PHLDB2: variants seen among roughly 807,000 people sequenced by gnomAD.
PHLDB2 encodes the protein pleckstrin homology-like domain family B member 2.
PHLDB2 carries 71 observed loss-of-function variants against 123.6 expected under a neutral mutation model. The observed-to-expected ratio is 0.57, with a 90% CI of 0.47 to 0.70. PHLDB2 has a LOEUF of 0.70. Among genes scored for constraint, PHLDB2 ranks in the 30% least tolerant of loss-of-function variants. The pLI, the probability that PHLDB2 is intolerant of heterozygous loss-of-function variation, is 0.00. For missense variants in PHLDB2, 1,446 were observed against 1,519.5 expected (o/e 0.95, Z 0.80); for synonymous variants, 547 against 541.6 (o/e 1.01, Z -0.14).
At chr3:111,925,351 A>G (rs1420782209) in intron 5 of PHLDB2, among the ~76,000 whole-genome samples, 1 of 152,188 alleles carries the variant, frequency 6.6e-6, no homozygotes, top group African/African-American at 2.4e-5. Context: ...AGTTTCCTGC[A>G]CTGGCCTTTT....
intron 2 of PHLDB2, among the ~76,000 whole-genome samples, chr3:111,890,564 C>T (rs2066420165): frequency 6.6e-6 from 1 of 152,158 alleles, no homozygotes; most frequent in Non-Finnish European, 1.5e-5. Context: ...TTCTTTAACT[C>T]ATTAATGAGG....
intron 1 of PHLDB2, among the ~76,000 whole-genome samples, chr3:111,782,926 G>T (rs879919694): frequency 2.0e-5 from 3 of 151,866 alleles, no homozygotes; most frequent in Non-Finnish European, 4.4e-5. Flanking sequence ...TTATATTATT[G>T]CATAGCTTGA....
chr3:111,875,234 C>T (rs889333819), intron 1 of PHLDB2, among the ~76,000 whole-genome samples: 2 of 152,020 alleles, frequency 1.3e-5, no homozygotes, highest in East Asian at 2.0e-4. Context: ...CCACAACCTC[C>T]GCCTCCCGGG....
intron 2 of PHLDB2, among the ~76,000 whole-genome samples, chr3:111,897,777 G>C (rs1473497420): frequency 6.6e-6 from 1 of 152,084 alleles, no homozygotes; most frequent in Admixed American, 6.5e-5. Context: ...AATCATCTTA[G>C]GCAGAGATTT....
chr3:111,930,782 A>G (rs2069101949), intron 5 of PHLDB2, among the ~76,000 whole-genome samples: 2 of 152,358 alleles, frequency 1.3e-5, no homozygotes, highest in East Asian at 3.9e-4. Context: ...TGAAGATCGA[A>G]GAAATTTTCG....
chr3:111,834,216 A>T (rs1454282925), intron 1 of PHLDB2, among the ~76,000 whole-genome samples: 1 of 34,758 alleles, frequency 2.9e-5, no homozygotes, highest in African/African-American at 1.4e-4. Context: ...TATGTAATAG[A>T]ATTATATATA....
intron 1 of PHLDB2, chr3:111,845,674 G>A: frequency 2.4e-6 from 2 of 826,836 alleles, no homozygotes; most frequent in Admixed American, 2.7e-5. Context: ...GAGTGATCCA[G>A]GACGTCTGTT....
rs777889310 is a variant in PHLDB2, at chr3:111,913,564, G to C, written c.1581G>C (p.Gln527His). The C allele has an allele frequency of 3.7e-6, 6 of 1,614,134 alleles. No homozygotes were observed. Among genetic ancestry groups the C allele is most frequent in the Non-Finnish European group, 5.1e-6 (6 of 1,180,028 alleles). The stretch of plus-strand genomic sequence containing the variant: ...TGGCAAGCTGTGGGAGTCTCAGTCA[G>C]AGCAGTGCCAGCTTCTTTACCCCCA... Reference protein sequence around the residue: ...ADLASCGSLSQSSASFFTPRS... With the variant: ...ADLASCGSLSHSSASFFTPRS... The change falls in exon 3 of 18, where the codon CAG (glutamine) becomes CAC (histidine). Residue 527 changes from glutamine (Q) to histidine (H), a missense_variant. Gln to His is a conservative substitution (Grantham distance 24, BLOSUM62 0). Around this residue, in one of 3 missense-constraint regions of PHLDB2, gnomAD observed 832 missense variants for 831.9 expected, o/e 1.00. Coordinates refer to ENST00000431670, the MANE Select transcript of PHLDB2 (RefSeq NM_001134438.2).
chr3:111,903,885 G>T (rs12495997), intron 2 of PHLDB2, among the ~76,000 whole-genome samples: 41,617 of 151,914 alleles, frequency 0.27, 6,887 homozygotes, highest in East Asian at 0.64. Flanking sequence ...GGTTGAACTT[G>T]ATTAAAAAAA....
intron 2 of PHLDB2, among the ~76,000 whole-genome samples, chr3:111,890,967 CTGAACTAAGAG>C (rs1229152187): frequency 1.3e-5 from 2 of 152,110 alleles, no homozygotes; most frequent in Non-Finnish European, 2.9e-5. Flanking sequence ...TTGAAATGTT[CTGAACTAAGAG>C]TGACTAAGTA....
chr3:111,755,316 C>T (rs2059865085), intron 1 of PHLDB2, among the ~76,000 whole-genome samples: 1 of 146,260 alleles, frequency 6.8e-6, no homozygotes, highest in Admixed American at 6.9e-5. Context: ...TTGATTAGTG[C>T]CACAATTTCA....
At chr3:111,751,168 GGTGTGTGTGTGTGTGT>G (rs35962012) in intron 1 of PHLDB2, among the ~76,000 whole-genome samples, 7 of 144,046 alleles carry the variant, frequency 4.9e-5, no homozygotes, top group Admixed American at 2.8e-4. Context: ...GAGACAATGG[GGTGTGTGTGTGTGTGT>G]GTGTGTGTGT....
intron 1 of PHLDB2, among the ~76,000 whole-genome samples, chr3:111,759,116 A>G (rs2059950946): frequency 1.4e-5 from 2 of 141,122 alleles, no homozygotes; most frequent in South Asian, 4.6e-4. Flanking sequence ...TCCTAGTGAT[A>G]TATCTTTTTT....
At chr3:111,805,641 A>T (rs2061550257) in intron 1 of PHLDB2, among the ~76,000 whole-genome samples, 2 of 149,916 alleles carry the variant, frequency 1.3e-5, no homozygotes, top group African/African-American at 2.5e-5. Context: ...GAAAGAAGCC[A>T]GACACAAAAG....
intron 6 of PHLDB2, among the ~76,000 whole-genome samples, chr3:111,934,823 C>T (rs1028478527): frequency 5.9e-5 from 9 of 152,150 alleles, no homozygotes; most frequent in Admixed American, 2.0e-4. Context: ...ATAATCTCAT[C>T]CTACCTTCTC....
intron 8 of PHLDB2, among the ~76,000 whole-genome samples, chr3:111,943,935 G>GT (rs2070097628): frequency 6.6e-6 from 1 of 152,086 alleles, no homozygotes; most frequent in African/African-American, 2.4e-5. Context: ...GTTTAAAGTA[G>GT]TTTTTTCCAT....
intron 5 of PHLDB2, among the ~76,000 whole-genome samples, chr3:111,930,417 T>TTC (rs2069074301): frequency 6.6e-6 from 1 of 152,210 alleles, no homozygotes; most frequent in African/African-American, 2.4e-5. Flanking sequence ...AGTCTTCTTT[T>TTC]TTAAATTACT....
chr3:111,746,852 G>A (rs1213964122), intron 1 of PHLDB2, among the ~76,000 whole-genome samples: 2 of 152,092 alleles, frequency 1.3e-5, no homozygotes, highest in East Asian at 3.8e-4. Context: ...AGACTAAAAG[G>A]ACATATATTT....
intron 1 of PHLDB2, among the ~76,000 whole-genome samples, chr3:111,797,372 C>A (rs2061203749): frequency 6.6e-6 from 1 of 152,330 alleles, no homozygotes; most frequent in African/African-American, 2.4e-5. Flanking sequence ...CATACACACA[C>A]AGAGAGTAGT....
Sources: allele counts gnomAD v4.1 joint callset (sites outside exome capture counted in the v4.1 genomes callset), GRCh38; gene constraint gnomAD v4.1.1; regional missense constraint gnomAD v4.1.1; transcripts MANE v1.5; gene names NCBI Gene and HGNC (gene_info 2026-07-23, HGNC 2026-07-21).